Variants in ADARB2 observed in about 807,000 individuals in gnomAD.
ADARB2 encodes the protein adenosine deaminase RNA specific B2 (inactive).
A neutral mutation model predicts 62.2 loss-of-function variants in ADARB2; 25 were observed. The observed-to-expected ratio is 0.40, with a 90% CI of 0.29 to 0.56. The LOEUF (loss-of-function observed/expected upper bound fraction) is 0.56. Among genes scored for constraint, ADARB2 ranks in the 20% least tolerant of loss-of-function variants. ADARB2 has a pLI of 0.43. For missense variants in ADARB2, 1,071 were observed against 1,077.4 expected (o/e 0.99, Z 0.08); for synonymous variants, 572 against 500.8 (o/e 1.14, Z -1.90).
intron 1 of ADARB2, among the ~76,000 whole-genome samples, chr10:1,408,748 A>G (rs1199666673): frequency 1.3e-5 from 2 of 152,104 alleles, no homozygotes; most frequent in African/African-American, 4.8e-5. Context: ...TGGGCTCTGG[A>G]TTTCACTTGC....
chr10:1,471,632 A>G (rs750715325), intron 1 of ADARB2, among the ~76,000 whole-genome samples: 1 of 151,886 alleles, frequency 6.6e-6, no homozygotes, highest in African/African-American at 2.4e-5. Flanking sequence ...ACCTCAGGTG[A>G]TCCTCCCGCC....
intron 9 of ADARB2, among the ~76,000 whole-genome samples, chr10:1,183,905 G>A (rs1021748711): frequency 6.6e-6 from 1 of 152,204 alleles, no homozygotes; most frequent in Non-Finnish European, 1.5e-5. Flanking sequence ...TCCCACAGCG[G>A]GTCTTCCAGG....
At chr10:1,435,714 C>G (rs1453696418) in intron 1 of ADARB2, among the ~76,000 whole-genome samples, 1 of 152,212 alleles carries the variant, frequency 6.6e-6, no homozygotes, top group African/African-American at 2.4e-5. Flanking sequence ...GCGTCCAGCT[C>G]GGGTCCTGTC....
chr10:1,219,018 C>T (rs1213333191), intron 6 of ADARB2, among the ~76,000 whole-genome samples: 1 of 147,746 alleles, frequency 6.8e-6, no homozygotes, highest in Non-Finnish European at 1.5e-5. Flanking sequence ...CCACTGTACT[C>T]CAGCCTGGGC....
At chr10:1,259,606 G>A (rs1043245780) in intron 4 of ADARB2, among the ~76,000 whole-genome samples, 1 of 152,220 alleles carries the variant, frequency 6.6e-6, no homozygotes, top group Non-Finnish European at 1.5e-5. Flanking sequence ...CAAGGAAGAA[G>A]TTGAATCTCT....
chr10:1,436,796 G>A lies in ADARB2; in HGVS notation c.101-57636C>T, dbSNP rs535599749. On this transcript the variant is annotated intron_variant, in intron 1 of 9. Coordinates refer to ENST00000381312, the MANE Select transcript of ADARB2 (RefSeq NM_018702.4). The stretch of plus-strand genomic sequence containing the variant: ...TTCAGCTGCTCCTTGTAACCCTGAA[G>A]CATCTTGATTTATTATTGACTATAT... Among the ~76,000 whole-genome samples, 64 of 152,272 alleles carry A rather than the reference G, an allele frequency of 4.2e-4. 1 individual carries two copies. The highest frequency in any genetic ancestry group is 2.9e-3 in the South Asian group (14 of 4,812).
In ADARB2 at chr10:1,267,869, G is replaced by C. The variant is rs144577117; in HGVS notation, c.1192+3086C>G. 1.1e-4 allele frequency among the ~76,000 whole-genome samples: 16 copies of C among 152,296 alleles called. 2 individuals carry two copies. In the East Asian group the frequency reaches 2.5e-3, roughly 24 times the overall value. On this transcript the variant is annotated intron_variant, in intron 4 of 9. Coordinates refer to ENST00000381312, the MANE Select transcript of ADARB2 (RefSeq NM_018702.4). Reference sequence around the variant, plus strand: ...ATATCTGCAACACTCTCATCAGATAGATGCTGTTCAGCTGTTACAATCACT... The same window carrying C: ...ATATCTGCAACACTCTCATCAGATACATGCTGTTCAGCTGTTACAATCACT...
intron 3 of ADARB2, among the ~76,000 whole-genome samples, chr10:1,343,592 A>G (rs1248420021): frequency 2.0e-5 from 3 of 152,252 alleles, no homozygotes; most frequent in Non-Finnish European, 4.4e-5. Context: ...TCGCAGCACT[A>G]TTCACAATTG....
At chr10:1,238,473 C>T (rs1338692705) in intron 5 of ADARB2, among the ~76,000 whole-genome samples, 1 of 52 alleles carries the variant, frequency 0.019, no homozygotes, top group African/African-American at 0.029. Context: ...CTCCCCTCTG[C>T]CTCCCGGTGT....
chr10:1,367,177 G>A (rs1216038345), intron 2 of ADARB2, among the ~76,000 whole-genome samples: 4 of 152,218 alleles, frequency 2.6e-5, no homozygotes, highest in East Asian at 1.9e-4. Flanking sequence ...TTCTTCTCAC[G>A]TTGCGCGCTG....
In ADARB2 at chr10:1,682,754, C is replaced by T. The variant is rs182738141; in HGVS notation, c.100+54297G>A. On this transcript the variant is annotated intron_variant, in intron 1 of 9. Coordinates refer to ENST00000381312, the MANE Select transcript of ADARB2 (RefSeq NM_018702.4). Reference sequence around the variant, plus strand: ...TCCTGGGAAGGGGTTGAGAACATTACGGTGACTGTAAGAAATTTAAATTGC... The same window carrying T: ...TCCTGGGAAGGGGTTGAGAACATTATGGTGACTGTAAGAAATTTAAATTGC... Among the ~76,000 whole-genome samples, 15 of 152,292 alleles carry T rather than the reference C, an allele frequency of 9.8e-5. No individual in the cohort carries two copies. In the East Asian group the frequency reaches 1.9e-3, roughly 20 times the overall value.
intron 3 of ADARB2, among the ~76,000 whole-genome samples, chr10:1,346,923 G>A (rs1010620778): frequency 6.6e-6 from 1 of 152,274 alleles, no homozygotes; most frequent in Non-Finnish European, 1.5e-5. Flanking sequence ...ACGTGTGCCT[G>A]TTTGCTGCTC....
chr10:1,448,214 T>C lies in ADARB2; in HGVS notation c.101-69054A>G, dbSNP rs550240295. On this transcript the variant is annotated intron_variant, in intron 1 of 9. Coordinates refer to ENST00000381312, the MANE Select transcript of ADARB2 (RefSeq NM_018702.4). Reference sequence around the variant, plus strand: ...TGGTGTTGGAAAACATATAAGACAGTATCTATGAAGAGGCGAGGGGAAGAT... The same window carrying C: ...TGGTGTTGGAAAACATATAAGACAGCATCTATGAAGAGGCGAGGGGAAGAT... 6.6e-5 allele frequency among the ~76,000 whole-genome samples: 10 copies of C among 152,302 alleles called. No individual in the cohort carries two copies. In the South Asian group the frequency reaches 1.7e-3, roughly 25 times the overall value.
chr10:1,657,289 T>G (rs1259539994), intron 1 of ADARB2, among the ~76,000 whole-genome samples: 2 of 152,238 alleles, frequency 1.3e-5, no homozygotes, highest in Non-Finnish European at 2.9e-5. Context: ...CTTGTAGTAC[T>G]GCAAATTCTA....
intron 1 of ADARB2, among the ~76,000 whole-genome samples, chr10:1,394,331 G>A (rs1340439680): frequency 6.6e-6 from 1 of 152,136 alleles, no homozygotes; most frequent in Non-Finnish European, 1.5e-5. Flanking sequence ...CATCCACCCG[G>A]GGCCCAGCCT....
At chr10:1,640,100 C>G (rs1833962803) in intron 1 of ADARB2, among the ~76,000 whole-genome samples, 1 of 152,210 alleles carries the variant, frequency 6.6e-6, no homozygotes, top group Non-Finnish European at 1.5e-5. Context: ...TTACATACCT[C>G]TAGTGATGGG....
At chr10:1,693,365 A>C (rs2173523) in intron 1 of ADARB2, among the ~76,000 whole-genome samples, 35,004 of 152,172 alleles carry the variant, frequency 0.23, 4,407 homozygotes, top group African/African-American at 0.34. Flanking sequence ...TGTGGGTAAG[A>C]AGACCTGGAG....
chr10:1,329,929 C>CTTTTT (rs370355543), intron 3 of ADARB2, among the ~76,000 whole-genome samples: 9 of 100,210 alleles, frequency 9.0e-5, no homozygotes, highest in Admixed American at 2.4e-4. Flanking sequence ...GAAGAAGTGC[C>CTTTTT]TTTTTTTTTT....
At chr10:1,326,527 T>C (rs1831847985) in intron 3 of ADARB2, among the ~76,000 whole-genome samples, 1 of 152,248 alleles carries the variant, frequency 6.6e-6, no homozygotes, top group Admixed American at 6.5e-5. Context: ...CTGTCACTGT[T>C]TTTATATGAA....
Sources: gnomAD v4.1 joint callset for allele counts (sites outside exome capture counted in the v4.1 genomes callset) on GRCh38, gnomAD v4.1.1 for gene constraint, MANE v1.5 for transcripts, NCBI Gene and HGNC (gene_info 2026-07-23, HGNC 2026-07-21) for gene names.